OPTN: variants seen among roughly 807,000 people sequenced by gnomAD.
OPTN encodes the protein E3-14.7K-interacting protein.
Under a neutral mutation model 70.4 loss-of-function variants are expected in OPTN, and 54 were observed. That is an observed-to-expected ratio of 0.77 (90% CI 0.62 to 0.96). OPTN has a LOEUF of 0.96. OPTN is among the 40% of genes least tolerant of loss of function. OPTN has a pLI of 0.00. For synonymous variants in OPTN, 256 were observed against 248.5 expected, an observed-to-expected ratio of 1.03 and a Z score of -0.28; for missense variants, 624 against 673.2, an observed-to-expected ratio of 0.93 and a Z score of 0.81.
intron 6 of OPTN, among the ~76,000 whole-genome samples, chr10:13,118,497 G>A (rs1833268896): frequency 6.6e-6 from 1 of 152,216 alleles, no homozygotes. Context: ...TCTGTACAAT[G>A]TGCCTTTATC....
At chr10:13,112,730 A>G (rs985730565) in intron 5 of OPTN, 95 bp downstream of exon 5, 18 of 1,232,880 alleles carry the variant, frequency 1.5e-5, no homozygotes, top group Non-Finnish European at 1.9e-5. Flanking sequence ...ACACAAGCCA[A>G]GGATTGAGGA....
chr10:13,138,034 C>G lies in OPTN; in HGVS notation c.*1168C>G, dbSNP rs535631077. ...CATCATATATATTTTCTGTATTAAG[C>G]TCATTTGGCTTCATTTAAGCTGTAT... On this transcript the variant is annotated 3_prime_UTR_variant, in exon 15 of 15. Transcript: ENST00000378747. The G allele has an allele frequency of 1.5e-5, 3 of 202,142 alleles. No individual in the cohort carries two copies. The highest frequency in any genetic ancestry group is 1.5e-4 in the East Asian group (2 of 13,040). The allele number at this position is 202,142 out of a possible 1,614,324, so 12.5% of individuals were successfully genotyped here.
chr10:13,128,502 CTTTTTTTTTTT>C (rs56147136), intron 12 of OPTN, among the ~76,000 whole-genome samples: 9 of 33,486 alleles, frequency 2.7e-4, no homozygotes, highest in African/African-American at 3.3e-4. Context: ...TCAAGCCTGC[CTTTTTTTTTTT>C]TTTTTTTTTT....
intron 12 of OPTN, among the ~76,000 whole-genome samples, chr10:13,128,460 C>T (rs1313596737): frequency 8.9e-6 from 1 of 112,066 alleles, no homozygotes; most frequent in Non-Finnish European, 1.8e-5. Context: ...TGTTTTTGGC[C>T]TTTGAGGTAT....
chr10:13,129,303 C>G (rs1262697746), intron 12 of OPTN, among the ~76,000 whole-genome samples: 1 of 151,314 alleles, frequency 6.6e-6, no homozygotes, highest in Non-Finnish European at 1.5e-5. Context: ...TTTTATTGGT[C>G]TACTCATATA....
Position 13,125,611 on chromosome 10 carries a change from G to A in OPTN, c.1148+44G>A, listed in dbSNP as rs777264573. The A allele has an allele frequency of 5.6e-6, 9 of 1,609,648 alleles. No homozygotes were observed. The African/African-American group carries it at 1.1e-4, about 19-fold the overall frequency. On this transcript the variant is annotated intron_variant, in intron 10 of 14. Transcript: ENST00000378747. ...AAGGGCAGCGACGGGGCAGAGGAGG[G>A]AGAATCGCCTTTTTATACAGATTGG...
chr10:13,106,890 A>T (rs1832876875), intron 1 of OPTN, among the ~76,000 whole-genome samples: 1 of 152,188 alleles, frequency 6.6e-6, no homozygotes, highest in Non-Finnish European at 1.5e-5. Flanking sequence ...CTCAGGGTTC[A>T]CACAGGCTCC....
chr10:13,102,428 C>T (rs1008857518), intron 1 of OPTN, among the ~76,000 whole-genome samples: 1 of 152,192 alleles, frequency 6.6e-6, no homozygotes, highest in Non-Finnish European at 1.5e-5. Flanking sequence ...ATTGACAGGG[C>T]TGAAAGCCAG....
At position 13,122,463 on chromosome 10, in the gene OPTN, T is replaced by C; in HGVS notation, c.858T>C (p.Asn286=). The change falls in exon 8 of 15, where the codon AAT becomes AAC. Residue 286 remains asparagine, a synonymous_variant. Coordinates refer to ENST00000378747, the MANE Select transcript of OPTN (RefSeq NM_001008212.2). ...TQTEGSTEKE[N]DEEKGPETVG... ...CAGAGGGGAGCACAGAGAAAGAGAATGATGAAGAGAAAGGCCCGGAGACTG... is the reference window on the plus strand; with the variant it reads ...CAGAGGGGAGCACAGAGAAAGAGAACGATGAAGAGAAAGGCCCGGAGACTG... 1 of 1,613,794 alleles carries C rather than the reference T, an allele frequency of 6.2e-7. No homozygotes were observed. The highest frequency in any genetic ancestry group is 2.2e-5 in the East Asian group (1 of 44,884).
chr10:13,124,499 T>C (rs906456022), intron 9 of OPTN, among the ~76,000 whole-genome samples: 1 of 152,200 alleles, frequency 6.6e-6, no homozygotes, highest in Non-Finnish European at 1.5e-5. Context: ...AAAGGTCAAT[T>C]TCAATTTGTT....
rs1833404079 is a variant in OPTN at position 13,123,880 on chromosome 10, A to G, written c.883-115A>G. On this transcript the variant is annotated intron_variant, in intron 8 of 14. Coordinates refer to ENST00000378747, the MANE Select transcript of OPTN (RefSeq NM_001008212.2). The stretch of plus-strand genomic sequence containing the variant: ...TTGGGGTATTGTCAAAGTTGGATTG[A>G]TTCACCAGCCAGTCTTAATTGGCTA... 1.4e-5 allele frequency: 10 copies of G among 739,298 alleles called. No homozygotes were observed. In the South Asian group the frequency reaches 1.5e-4, roughly 11 times the overall value. The allele number at this position is 739,298 out of a possible 1,614,324, so 45.8% of individuals were successfully genotyped here. A position where few individuals can be genotyped will look rare whatever the true frequency, so the allele number is the denominator to read the frequency against.
At chr10:13,106,667 C>T (rs561660883) in intron 1 of OPTN, among the ~76,000 whole-genome samples, 1 of 152,310 alleles carries the variant, frequency 6.6e-6, no homozygotes, top group African/African-American at 2.4e-5. Context: ...AAGGAGGTTA[C>T]CAGGTATTGC....
intron 1 of OPTN, among the ~76,000 whole-genome samples, chr10:13,102,705 G>T (rs1420345508): frequency 6.6e-6 from 1 of 152,194 alleles, no homozygotes; most frequent in Non-Finnish European, 1.5e-5. Context: ...CACTTAGGGA[G>T]GCCGAGGTGG....
chr10:13,129,132 G>A lies in OPTN; in HGVS notation c.1401+1229G>A, dbSNP rs1016244701. ...TACAAACCATTTGAAATTGGCTTTT[G>A]TCTATAGAAAATGAGGTAAGGGTAA... On this transcript the variant is annotated intron_variant, in intron 12 of 14. Coordinates refer to ENST00000378747, the MANE Select transcript of OPTN (RefSeq NM_001008212.2). Among the ~76,000 whole-genome samples the A allele has an allele frequency of 3.9e-5, 6 of 152,154 alleles. No homozygotes were observed. The South Asian group carries it at 1.2e-3, about 32-fold the overall frequency.
intron 4 of OPTN, among the ~76,000 whole-genome samples, 178 bp from the exon 5 acceptor site, chr10:13,112,275 T>C (rs957496158): frequency 3.3e-5 from 5 of 151,096 alleles, no homozygotes; most frequent in African/African-American, 1.2e-4. Flanking sequence ...ACCTGGCTAA[T>C]TATTAAATTT....
rs201558814 is a variant in OPTN, at chr10:13,116,915, G to A, written c.626+575G>A. On this transcript the variant is annotated intron_variant, in intron 6 of 14. Transcript: ENST00000378747. ...GAGGAAACAGACATCTTAAATAGTG[G>A]CAGGGCCTTGGGGAGGGAGGCAGAC... is the stretch of plus-strand genomic sequence containing the variant. Among the ~76,000 whole-genome samples, 7 of 152,220 alleles carry A rather than the reference G, an allele frequency of 4.6e-5. No homozygotes were observed. In the East Asian group the frequency reaches 1.4e-3, roughly 29 times the overall value.
At chr10:13,136,505 C>CAAA (rs71386161) in intron 14 of OPTN, among the ~76,000 whole-genome samples, 13,915 of 72,314 alleles carry the variant, frequency 0.19, 2,207 homozygotes, top group East Asian at 0.25. Context: ...GACTCCGTCT[C>CAAA]AAAAAAAAAA....
In OPTN at chr10:13,119,939, A is replaced by G. The variant is rs116411641; in HGVS notation, c.779+899A>G. Among the ~76,000 whole-genome samples, 722 of 151,916 alleles carry G rather than the reference A, an allele frequency of 4.8e-3. 5 individuals are homozygous for G. The highest frequency in any genetic ancestry group is 0.015 in the African/African-American group (627 of 41,448). On this transcript the variant is annotated intron_variant, in intron 7 of 14. Coordinates refer to ENST00000378747, the MANE Select transcript of OPTN (RefSeq NM_001008212.2). ...TAAGAGTTCATTTTACATTCTGGAT[A>G]CAAGACCCTTATTAAATATATGATC...
At chr10:13,113,377 A>G (rs1294130674) in intron 5 of OPTN, among the ~76,000 whole-genome samples, 1 of 152,186 alleles carries the variant, frequency 6.6e-6, no homozygotes, top group Non-Finnish European at 1.5e-5. Flanking sequence ...GATACATTAA[A>G]AAGAAGAAGA....
Sources: gnomAD v4.1 joint callset for allele counts (sites outside exome capture counted in the v4.1 genomes callset) on GRCh38, gnomAD v4.1.1 for gene constraint, MANE v1.5 for transcripts, NCBI Gene and HGNC (gene_info 2026-07-23, HGNC 2026-07-21) for gene names.